The following AMPH variants were observed in gnomAD, a reference collection of about 807,000 sequenced individuals.
AMPH encodes the protein amphiphysin.
In AMPH, 49 loss-of-function variants were observed where a neutral mutation model predicts 99.1. The observed-to-expected ratio is 0.49, with a 90% confidence interval of 0.39 to 0.63. The LOEUF is 0.63. AMPH is among the 20% of genes least tolerant of loss of function. AMPH has a pLI of 0.00. For missense variants in AMPH, 759 were observed against 863.4 expected, an observed-to-expected ratio of 0.88 and a Z score of 1.52; for synonymous variants, 314 against 317.3, an observed-to-expected ratio of 0.99 and a Z score of 0.11.
chr7:38,514,839 T>A (rs866440164), intron 2 of AMPH, among the ~76,000 whole-genome samples: 1 of 152,106 alleles, frequency 6.6e-6, no homozygotes, highest in African/African-American at 2.4e-5. Context: ...AGACGGAAAA[T>A]TTATACCAGA....
intron 15 of AMPH, among the ~76,000 whole-genome samples, chr7:38,426,689 A>G (rs1441068301): frequency 1.3e-5 from 2 of 152,272 alleles, no homozygotes; most frequent in Non-Finnish European, 2.9e-5. Flanking sequence ...TATTAATAAA[A>G]GCTAAACTAA....
chr7:38,527,601 G>C (rs1158546146), intron 2 of AMPH, among the ~76,000 whole-genome samples: 1 of 152,082 alleles, frequency 6.6e-6, no homozygotes, highest in Non-Finnish European at 1.5e-5. Flanking sequence ...TATATCTTGT[G>C]ACCTCACTGA....
chr7:38,626,717 C>T (rs370179101), intron 1 of AMPH, among the ~76,000 whole-genome samples: 1 of 152,094 alleles, frequency 6.6e-6, no homozygotes, highest in African/African-American at 2.4e-5. Context: ...AACTAAAGAG[C>T]TTCTGCACAG....
At chr7:38,626,876 TC>T (rs1794264770) in intron 1 of AMPH, among the ~76,000 whole-genome samples, 1 of 147,846 alleles carries the variant, frequency 6.8e-6, no homozygotes, top group Admixed American at 6.7e-5. Flanking sequence ...ATACAGTTTT[TC>T]ATGATAAGCT....
At chr7:38,614,337 A>G (rs1305659840) in intron 1 of AMPH, among the ~76,000 whole-genome samples, 1 of 152,246 alleles carries the variant, frequency 6.6e-6, no homozygotes, top group East Asian at 1.9e-4. Context: ...TCCATGATGG[A>G]TCATGTAAAA....
chr7:38,614,628 C>T (rs531501111), intron 1 of AMPH, among the ~76,000 whole-genome samples: 5 of 152,286 alleles, frequency 3.3e-5, no homozygotes, highest in African/African-American at 1.2e-4. Flanking sequence ...TGGTGTTCAA[C>T]TTAAGATGAG....
chr7:38,497,080 A>AT (rs1788959272), intron 3 of AMPH, among the ~76,000 whole-genome samples: 1 of 152,182 alleles, frequency 6.6e-6, no homozygotes, highest in Non-Finnish European at 1.5e-5. Context: ...GACAGAAGCC[A>AT]TTTTGACATG....
intron 14 of AMPH, chr7:38,428,678 T>C (rs1221800964): frequency 4.4e-6 from 2 of 456,594 alleles, no homozygotes; most frequent in East Asian, 1.4e-4. Context: ...TCTGGAGAGA[T>C]GGATTCAAGA....
chr7:38,539,511 T>A (rs144311395), intron 1 of AMPH, among the ~76,000 whole-genome samples: 1,928 of 152,180 alleles, frequency 0.013, 50 homozygotes, highest in Admixed American at 0.04. Flanking sequence ...AAAGGACCCA[T>A]CTTACTCAGG....
intron 2 of AMPH, among the ~76,000 whole-genome samples, chr7:38,525,788 T>A (rs971502512): frequency 1.8e-4 from 28 of 152,166 alleles, no homozygotes; most frequent in African/African-American, 6.8e-4. Context: ...TTATTTTCTT[T>A]TCATTGCTTA....
intron 2 of AMPH, among the ~76,000 whole-genome samples, chr7:38,504,157 A>G (rs1789245847): frequency 6.6e-6 from 1 of 152,114 alleles, no homozygotes; most frequent in African/African-American, 2.4e-5. Flanking sequence ...TACCAGAAAA[A>G]CCTCATTAAT....
intron 1 of AMPH, among the ~76,000 whole-genome samples, chr7:38,602,850 A>G (rs1484028123): frequency 1.3e-5 from 2 of 152,150 alleles, no homozygotes; most frequent in African/African-American, 4.8e-5. Context: ...AGCCTAAATC[A>G]TGGTATCCTG....
intron 1 of AMPH, among the ~76,000 whole-genome samples, chr7:38,588,278 G>A (rs1002245704): frequency 6.6e-6 from 1 of 152,074 alleles, no homozygotes; most frequent in Non-Finnish European, 1.5e-5. Context: ...AATTAAGATG[G>A]AAGATGGGAT....
chr7:38,389,345 T>A (rs562176855), intron 20 of AMPH, among the ~76,000 whole-genome samples: 6 of 152,312 alleles, frequency 3.9e-5, no homozygotes, highest in Non-Finnish European at 8.8e-5. Context: ...AATGCAGAGA[T>A]GATTAGGTAT....
chr7:38,518,943 T>C (rs62443507), intron 2 of AMPH, among the ~76,000 whole-genome samples: 55,527 of 152,144 alleles, frequency 0.36, 10,801 homozygotes, highest in Non-Finnish European at 0.43. Context: ...AGAGGCAGGA[T>C]CTTTAAGAGA....
chr7:38,585,996 G>A (rs1333114014), intron 1 of AMPH, among the ~76,000 whole-genome samples: 1 of 152,070 alleles, frequency 6.6e-6, no homozygotes, highest in Non-Finnish European at 1.5e-5. Context: ...CATTTCTTTT[G>A]AATTTAGCTT....
At chr7:38,427,807 G>T (rs1785840504) in intron 14 of AMPH, 2 of 428,062 alleles carry the variant, frequency 4.7e-6, no homozygotes, top group Non-Finnish European at 9.4e-6. Flanking sequence ...GAAGTCTTTG[G>T]CTAGTCTATG....
At chr7:38,477,821 T>G (rs1323948355) in intron 5 of AMPH, among the ~76,000 whole-genome samples, 1 of 151,966 alleles carries the variant, frequency 6.6e-6, no homozygotes, top group Non-Finnish European at 1.5e-5. Flanking sequence ...GTAAAACCAA[T>G]GTGGCTCTGG....
intron 1 of AMPH, among the ~76,000 whole-genome samples, chr7:38,566,617 A>G (rs967152184): frequency 4.6e-5 from 7 of 152,188 alleles, no homozygotes; most frequent in Admixed American, 3.9e-4. Flanking sequence ...GGCAACCTAC[A>G]GAATGCGAGA....
Sources: allele counts gnomAD v4.1 joint callset (sites outside exome capture counted in the v4.1 genomes callset), GRCh38; gene constraint gnomAD v4.1.1; transcripts MANE v1.5; gene names NCBI Gene and HGNC (gene_info 2026-07-23, HGNC 2026-07-21).